Variants in ABLIM1 observed in about 807,000 individuals in gnomAD.
ABLIM1 encodes actin-binding LIM protein 1.
ABLIM1 carries 40 observed loss-of-function variants against 107.0 expected under a neutral mutation model. The ratio of observed to expected loss-of-function variants is 0.37; its 90% CI spans 0.29 to 0.49. ABLIM1 has a LOEUF of 0.49. Among genes scored for constraint, ABLIM1 ranks in the 20% least tolerant of loss-of-function variants. The pLI, the probability that ABLIM1 is intolerant of heterozygous loss-of-function variation, is 0.97. For missense variants in ABLIM1, 857 were observed against 1,008.5 expected, an observed-to-expected ratio of 0.85 and a Z score of 2.04; for synonymous variants, 357 against 357.3, an observed-to-expected ratio of 1.00 and a Z score of 0.01.
the ABLIM1 span, chr10:114,778,923 C>T: frequency 1.3e-5 from 2 of 152,210 alleles, no homozygotes; most frequent in Non-Finnish European, 2.9e-5. Flanking sequence ...TGTTGCCTCA[C>T]TGGTCTCCAG....
chr10:114,606,635 T>C (rs2076435018), intron 1 of ABLIM1, among the ~76,000 whole-genome samples: 1 of 152,190 alleles, frequency 6.6e-6, no homozygotes, highest in Admixed American at 6.6e-5. Context: ...CCTTCCCCAC[T>C]GCACCATCAC....
chr10:114,751,314 A>C (rs1350074013), intron 1 of ABLIM1, among the ~76,000 whole-genome samples: 2 of 152,160 alleles, frequency 1.3e-5, no homozygotes, highest in Non-Finnish European at 2.9e-5. Context: ...GATATAATTT[A>C]AATTATTTTA....
At chr10:114,597,765 G>C (rs985506358) in intron 2 of ABLIM1, among the ~76,000 whole-genome samples, 4 of 152,114 alleles carry the variant, frequency 2.6e-5, no homozygotes, top group African/African-American at 9.7e-5. Context: ...AGCTGCCTTT[G>C]GGTAGCGGTA....
rs140040552 is a variant in ABLIM1, at chr10:114,684,428, G to A, written c.-75C>T. ...AGAAAGGCTGCAACACTCCTCAAAG[G>A]AGAGGCTGGGGCCCTGGCTCTCCTC... On this transcript the variant is annotated 5_prime_UTR_variant, in exon 1 of 24. Transcript: ENST00000369256. 8.2e-3 allele frequency: 13,093 copies of A among 1,601,234 alleles called. 70 individuals carry two copies. Among genetic ancestry groups the A allele is most frequent in the Non-Finnish European group, 0.01 (11,788 of 1,172,916 alleles).
intron 1 of ABLIM1, among the ~76,000 whole-genome samples, chr10:114,606,017 G>A (rs1423162853): frequency 6.6e-6 from 1 of 152,080 alleles, no homozygotes; most frequent in African/African-American, 2.4e-5. Flanking sequence ...GTCAAGCAGA[G>A]GCCATGGCAG....
chr10:114,706,614 C>G (rs1181166700), intron 1 of ABLIM1, among the ~76,000 whole-genome samples: 1 of 152,224 alleles, frequency 6.6e-6, no homozygotes, highest in African/African-American at 2.4e-5. Context: ...ACATATTTCT[C>G]TCTCTCCACA....
rs765082736 is a variant in ABLIM1 at position 114,629,085 on chromosome 10, T to A, written c.245-27124A>T. Reference sequence around the variant, plus strand: ...GTGTCTGCAGCTGGAAGTGAATGGGTGCCTGGTCAGGAGAACAAAAGATAA... The same window carrying A: ...GTGTCTGCAGCTGGAAGTGAATGGGAGCCTGGTCAGGAGAACAAAAGATAA... On this transcript the variant is annotated intron_variant, in intron 1 of 22. Coordinates refer to ENST00000533213, the MANE Select transcript of ABLIM1 (RefSeq NM_002313.7). The surrounding 1 kb of genome is among the most constrained non-coding windows in gnomAD (Gnocchi z 4.0). Among the ~76,000 whole-genome samples the A allele has an allele frequency of 6.6e-6, 1 of 152,102 alleles. No individual in the cohort carries two copies.
chr10:114,602,022 C>T, intron 1 of ABLIM1, 61 bp from the exon 2 acceptor site: 3 of 1,599,180 alleles, frequency 1.9e-6, no homozygotes, highest in Non-Finnish European at 8.6e-7. Context: ...AAGGGGTCAT[C>T]ATGGTATCTC....
chr10:114,787,955 A>G, the ABLIM1 span, among the ~76,000 whole-genome samples: 35 of 143,106 alleles, frequency 2.4e-4, no homozygotes, highest in Non-Finnish European at 2.6e-4. Flanking sequence ...AGAGGTAGAC[A>G]TGGGAGACTT....
At chr10:114,576,741 A>G (rs888199595) in intron 2 of ABLIM1, among the ~76,000 whole-genome samples, 1 of 152,176 alleles carries the variant, frequency 6.6e-6, no homozygotes, top group African/African-American at 2.4e-5. Flanking sequence ...CAAAACCCAC[A>G]AACAAACTTT....
At chr10:114,504,906 G>A (rs947756257) in intron 6 of ABLIM1, among the ~76,000 whole-genome samples, 10 of 152,086 alleles carry the variant, frequency 6.6e-5, no homozygotes, top group African/African-American at 2.4e-4. Context: ...TAAGAGAAAT[G>A]TTAATTCTTT....
chr10:114,595,983 T>C (rs2075377648), intron 2 of ABLIM1, among the ~76,000 whole-genome samples: 1 of 152,114 alleles, frequency 6.6e-6, no homozygotes. Context: ...CAAACTGAAC[T>C]CATCTTTCTC....
At chr10:114,792,982 T>A in the ABLIM1 span, among the ~76,000 whole-genome samples, 1 of 151,922 alleles carries the variant, frequency 6.6e-6, no homozygotes, top group East Asian at 1.9e-4. Context: ...TGAAATCCCA[T>A]CTCTACTGAA....
At chr10:114,660,147 A>G (rs1591764369), upstream of ABLIM1, among the ~76,000 whole-genome samples, 1 of 152,294 alleles carries the variant, frequency 6.6e-6, no homozygotes, top group South Asian at 2.1e-4. Flanking sequence ...TTCTGCTCCA[A>G]AATTCTGGGA....
chr10:114,683,422 G>A (rs1176241313), intron 1 of ABLIM1, among the ~76,000 whole-genome samples: 2 of 152,190 alleles, frequency 1.3e-5, no homozygotes, highest in Non-Finnish European at 2.9e-5. Context: ...TTATTCATCA[G>A]TTACAGCGTG....
chr10:114,653,696 T>TA (rs1320435358), intron 1 of ABLIM1, among the ~76,000 whole-genome samples: 5 of 152,256 alleles, frequency 3.3e-5, no homozygotes, highest in African/African-American at 1.2e-4. Flanking sequence ...ATTTCATTGA[T>TA]ATATGCTCAC....
At chr10:114,596,747 C>A (rs762404358) in intron 2 of ABLIM1, among the ~76,000 whole-genome samples, 1 of 152,186 alleles carries the variant, frequency 6.6e-6, no homozygotes, top group Non-Finnish European at 1.5e-5. Flanking sequence ...ATTTGTTTAG[C>A]TCTTGTGTAA....
In ABLIM1 at chr10:114,491,893, G is replaced by A. The variant is rs369200071; in HGVS notation, c.895-15C>T. ...TTGTCACCTGCCTGCAAGAGAAAAG[G>A]TAGGGAACGTTGAGTCTGCTCCTTG... On this transcript the variant is annotated splice_polypyrimidine_tract_variant and intron_variant, in intron 6 of 22. Coordinates refer to ENST00000533213, the MANE Select transcript of ABLIM1 (RefSeq NM_002313.7). The A allele has an allele frequency of 5.8e-5, 93 of 1,596,672 alleles. No homozygotes were observed. Among genetic ancestry groups the A allele is most frequent in the South Asian group, 3.0e-4 (27 of 90,308 alleles).
At chr10:114,719,947 T>A (rs2081800052) in intron 1 of ABLIM1, among the ~76,000 whole-genome samples, 1 of 152,106 alleles carries the variant, frequency 6.6e-6, no homozygotes, top group Admixed American at 6.5e-5. Context: ...TGTGCCACAG[T>A]GGTTTGCTGC....
Sources: gnomAD v4.1 joint callset for allele counts (sites outside exome capture counted in the v4.1 genomes callset) on GRCh38, gnomAD v4.1.1 for gene constraint, Gnocchi (gnomAD v3.1) non-coding constraint, MANE v1.5 for transcripts, NCBI Gene and HGNC (gene_info 2026-07-23, HGNC 2026-07-21) for gene names.